The following POT1 variants were observed in gnomAD, a reference collection of about 807,000 sequenced individuals.
POT1 encodes the protein protection of telomeres 1.
In POT1, 47 loss-of-function variants were observed where a neutral mutation model predicts 78.5. That is an observed-to-expected ratio of 0.60 (90% CI 0.47 to 0.76). POT1 has a LOEUF of 0.76. Ranked by LOEUF, POT1 falls within the 30% of genes least tolerant of loss-of-function variation. POT1 has a pLI of 0.00. For synonymous variants in POT1, 259 were observed against 260.7 expected, an observed-to-expected ratio of 0.99 and a Z score of 0.06; for missense variants, 646 against 749.9, an observed-to-expected ratio of 0.86 and a Z score of 1.62.
intron 11 of POT1, among the ~76,000 whole-genome samples, chr7:124,847,788 G>C (rs1795207543): frequency 6.6e-6 from 1 of 152,198 alleles, no homozygotes; most frequent in African/African-American, 2.4e-5. Context: ...AAGCAGCAAA[G>C]CAATGCAAGG....
At position 124,827,174 on chromosome 7, in the gene POT1, T is replaced by C. The variant is rs568784737; in HGVS notation, c.1686+40A>G. 1.2e-5 allele frequency: 14 copies of C among 1,180,702 alleles called. No individual in the cohort carries two copies. The East Asian group carries it at 2.5e-4, about 21-fold the overall frequency. The allele number at this position is 1,180,702 out of a possible 1,614,324, so 73.1% of individuals were successfully genotyped here. On this transcript the variant is annotated intron_variant, in intron 17 of 18. Transcript: ENST00000357628. ...AATGTATTCAATTTTTTAAATATTA[T>C]TTTTTAATTAAAAATATCTTTATTA... is the stretch of plus-strand genomic sequence containing the variant.
At position 124,840,914 on chromosome 7, in the gene POT1, T is replaced by C. The variant is rs1263790594; in HGVS notation, c.1369+59A>G. On this transcript the variant is annotated intron_variant, in intron 14 of 18. Coordinates refer to ENST00000357628, the MANE Select transcript of POT1 (RefSeq NM_015450.3). ...TCTGTAAAATGTATTAAACAATAATTAATTAGGAAAAATATGCAAAAGGAG... is the reference window on the plus strand; with the variant it reads ...TCTGTAAAATGTATTAAACAATAATCAATTAGGAAAAATATGCAAAAGGAG... 2.2e-6 allele frequency: 3 copies of C among 1,344,982 alleles called. No homozygotes were observed. In the African/African-American group the frequency reaches 4.4e-5, roughly 20 times the overall value. 83.3% of individuals were successfully genotyped at this position (1,344,982 alleles called of 1,614,324 possible). A position where few individuals can be genotyped will look rare whatever the true frequency, so the allele number is the denominator to read the frequency against.
chr7:124,884,995 G>A (rs913123375), intron 6 of POT1, among the ~76,000 whole-genome samples: 8 of 151,990 alleles, frequency 5.3e-5, no homozygotes, highest in Non-Finnish European at 1.2e-4. Flanking sequence ...ATGTGTCCAC[G>A]GCAAAAACTG....
intron 6 of POT1, among the ~76,000 whole-genome samples, chr7:124,879,441 A>G (rs965405013): frequency 1.3e-5 from 2 of 152,184 alleles, no homozygotes; most frequent in Non-Finnish European, 2.9e-5. Context: ...CGGTTTGGAA[A>G]TGAGGGAAAA....
intron 7 of POT1, among the ~76,000 whole-genome samples, chr7:124,870,540 T>A (rs574840176): frequency 6.6e-6 from 1 of 152,262 alleles, no homozygotes; most frequent in Admixed American, 6.5e-5. Flanking sequence ...TCCTAATCTT[T>A]GTATACATTT....
At chr7:124,832,676 G>C (rs1794795312) in intron 15 of POT1, among the ~76,000 whole-genome samples, 1 of 152,024 alleles carries the variant, frequency 6.6e-6, no homozygotes, top group African/African-American at 2.4e-5. Flanking sequence ...AATCAGCCGG[G>C]TGTTAGTGGT....
At chr7:124,879,235 G>A (rs1007853803) in intron 6 of POT1, among the ~76,000 whole-genome samples, 1 of 152,058 alleles carries the variant, frequency 6.6e-6, no homozygotes, top group African/African-American at 2.4e-5. Context: ...CATCTGAAAG[G>A]GCTCTCACTA....
chr7:124,924,820 G>T (rs1676015256), intron 2 of POT1, among the ~76,000 whole-genome samples: 1 of 151,938 alleles, frequency 6.6e-6, no homozygotes, highest in South Asian at 2.1e-4. Context: ...ACGCAAATCA[G>T]TAAGTGTTAT....
At chr7:124,890,100 T>C (rs1340421197) in intron 6 of POT1, among the ~76,000 whole-genome samples, 1 of 151,962 alleles carries the variant, frequency 6.6e-6, no homozygotes, top group Non-Finnish European at 1.5e-5. Context: ...AGAACATGCA[T>C]GATTCATGTG....
chr7:124,908,040 T>C (rs1796806291), intron 3 of POT1, among the ~76,000 whole-genome samples: 1 of 151,956 alleles, frequency 6.6e-6, no homozygotes, highest in Non-Finnish European at 1.5e-5. Flanking sequence ...ACCTCAGAAA[T>C]TCTCAAGTCA....
chr7:124,899,034 C>T (rs1250412752), intron 3 of POT1, among the ~76,000 whole-genome samples: 1 of 152,104 alleles, frequency 6.6e-6, no homozygotes, highest in Non-Finnish European at 1.5e-5. Context: ...AACAACGAAA[C>T]CTTAAGATAC....
intron 12 of POT1, among the ~76,000 whole-genome samples, chr7:124,845,494 C>T (rs939419255): frequency 4.6e-5 from 7 of 152,164 alleles, no homozygotes; most frequent in Admixed American, 4.6e-4. Flanking sequence ...AAGGGGCATA[C>T]AAAGTGAGTG....
Position 124,842,938 on chromosome 7 carries a change from C to G in POT1, c.1032G>C (p.Glu344Asp). Reference protein sequence around the residue: ...ATILTDHQYLERTPLCAILKQ... With the variant: ...ATILTDHQYLDRTPLCAILKQ... ...TCAAAATGGCACATAGTGGTGTCCT[C>G]TCCAAATACTGATGATCTGTAAGTA... Residue 344 changes from glutamate (E) to aspartate (D), a missense_variant, in exon 13 of 19, where the codon GAG becomes GAC. Physicochemically the swap from Glu to Asp is conservative, Grantham distance 45. Transcript: ENST00000357628. 1 of 1,588,650 alleles carries G rather than the reference C, an allele frequency of 6.3e-7. No individual in the cohort carries two copies.
intron 2 of POT1, among the ~76,000 whole-genome samples, chr7:124,919,175 G>C (rs1315981051): frequency 6.6e-6 from 1 of 152,044 alleles, no homozygotes; most frequent in Non-Finnish European, 1.5e-5. Flanking sequence ...GCAATTATAA[G>C]ACAATGGTAA....
chr7:124,905,409 GGGAAAA>G (rs1196404038), intron 3 of POT1, among the ~76,000 whole-genome samples: 74 of 152,192 alleles, frequency 4.9e-4, no homozygotes, highest in Middle Eastern at 3.4e-3. Context: ...AAATGGTGCT[GGGAAAA>G]CTGGCTAGCC....
At position 124,912,918 on chromosome 7, in the gene POT1, T is replaced by C. The variant is rs558465421; in HGVS notation, c.-154+2656A>G. ...AGTCCATTTTCAAGCTGCTAAGACA[T>C]ACCCGACACTGGGCAATTTACGAAA... On this transcript the variant is annotated intron_variant, in intron 3 of 18. Coordinates refer to ENST00000357628, the MANE Select transcript of POT1 (RefSeq NM_015450.3). 5.3e-5 allele frequency among the ~76,000 whole-genome samples: 8 copies of C among 152,278 alleles called. No homozygotes were observed. In the South Asian group the frequency reaches 1.7e-3, roughly 32 times the overall value.
At chr7:124,852,872 C>G in intron 10 of POT1, 100 bp downstream of exon 10, 1 of 1,077,408 alleles carries the variant, frequency 9.3e-7, no homozygotes. Context: ...GCAAATGGCA[C>G]AAAAGGCTAG....
chr7:124,833,410 C>T (rs1017303146), intron 15 of POT1, among the ~76,000 whole-genome samples: 4 of 152,050 alleles, frequency 2.6e-5, no homozygotes, highest in African/African-American at 7.2e-5. Context: ...ATGTAGAAGT[C>T]GGAAAGAAAG....
At chr7:124,897,560 T>C (rs2116644511) in intron 4 of POT1, among the ~76,000 whole-genome samples, 1 of 152,018 alleles carries the variant, frequency 6.6e-6, no homozygotes, top group East Asian at 1.9e-4. Context: ...AAGTGGAAAA[T>C]CAGAGCTGAT....
Sources: allele counts gnomAD v4.1 joint callset (sites outside exome capture counted in the v4.1 genomes callset), GRCh38; gene constraint gnomAD v4.1.1; transcripts MANE v1.5; gene names NCBI Gene and HGNC (gene_info 2026-07-23, HGNC 2026-07-21).